Variants in AGBL4 observed in about 807,000 individuals in gnomAD.
AGBL4 encodes the protein cytosolic carboxypeptidase 6.
Under a neutral mutation model 66.4 loss-of-function variants are expected in AGBL4, and 58 were observed. That is an observed-to-expected ratio of 0.87 (90% CI 0.71 to 1.09). The LOEUF (loss-of-function observed/expected upper bound fraction) is 1.09. Ranked by LOEUF, AGBL4 falls within the 50% of genes least tolerant of loss-of-function variation. The probability of loss-of-function intolerance (pLI) is 0.00; values close to 1 mark genes in which losing one functional copy is unlikely to be tolerated. For missense variants in AGBL4, 579 were observed against 631.0 expected (o/e 0.92, Z 0.88); for synonymous variants, 234 against 222.9 (o/e 1.05, Z -0.44).
At chr1:48,891,558 C>A (rs1650975833) in intron 5 of AGBL4, among the ~76,000 whole-genome samples, 1 of 152,226 alleles carries the variant, frequency 6.6e-6, no homozygotes, top group African/African-American at 2.4e-5. Flanking sequence ...ATCTTAGGAA[C>A]CTCTTACCAA....
chr1:48,922,362 A>C (rs1654152266), intron 5 of AGBL4, among the ~76,000 whole-genome samples: 1 of 152,172 alleles, frequency 6.6e-6, no homozygotes, highest in African/African-American at 2.4e-5. Flanking sequence ...CAGAAGAAAA[A>C]AATTAGCTGG....
At chr1:49,632,395 A>T (rs1179625627) in intron 3 of AGBL4, among the ~76,000 whole-genome samples, 1 of 152,230 alleles carries the variant, frequency 6.6e-6, no homozygotes, top group African/African-American at 2.4e-5. Flanking sequence ...GTGAAAAGGA[A>T]TGAAAACTAG....
At chr1:48,607,592 T>C (rs1645172230) in intron 9 of AGBL4, among the ~76,000 whole-genome samples, 1 of 152,160 alleles carries the variant, frequency 6.6e-6, no homozygotes, top group Non-Finnish European at 1.5e-5. Flanking sequence ...CACTCCAGCC[T>C]GGGTGACAAG....
chr1:49,291,721 T>A (rs974938957), intron 3 of AGBL4, among the ~76,000 whole-genome samples: 1 of 152,200 alleles, frequency 6.6e-6, no homozygotes, highest in Non-Finnish European at 1.5e-5. Flanking sequence ...GTAACGCTAG[T>A]GATGGCAGTG....
chr1:48,554,605 A>ATT (rs565282641), intron 11 of AGBL4, among the ~76,000 whole-genome samples: 3 of 150,142 alleles, frequency 2.0e-5, no homozygotes, highest in Non-Finnish European at 4.4e-5. Flanking sequence ...ACATTTTATG[A>ATT]TTTTTTTTTT....
At position 49,258,962 on chromosome 1, in the gene AGBL4, C is replaced by A. The variant is rs12049542; in HGVS notation, c.283-13098G>T. Among the ~76,000 whole-genome samples, 1,201 of 152,266 alleles carry A rather than the reference C, an allele frequency of 7.9e-3. 9 individuals are homozygous for A. The highest frequency in any genetic ancestry group is 0.031 in the Middle Eastern group (9 of 294). ...ATCAGACTAAGAGCGGATCTCTCAG[C>A]AGAAACTCTACAAGCCAGAAGAGAG... is the stretch of plus-strand genomic sequence containing the variant. On this transcript the variant is annotated intron_variant, in intron 3 of 13. Coordinates refer to ENST00000371839, the MANE Select transcript of AGBL4 (RefSeq NM_032785.4).
At chr1:49,516,849 A>C (rs578080851) in intron 3 of AGBL4, among the ~76,000 whole-genome samples, 11 of 152,100 alleles carry the variant, frequency 7.2e-5, no homozygotes, top group Non-Finnish European at 1.2e-4. Context: ...TCACTCTGTT[A>C]GGCATACATG....
the AGBL4 span, among the ~76,000 whole-genome samples, chr1:48,523,880 C>T: frequency 6.6e-6 from 1 of 152,204 alleles, no homozygotes; most frequent in Non-Finnish European, 1.5e-5. Context: ...GCCTATGGCT[C>T]CTAGGCTACA....
intron 3 of AGBL4, among the ~76,000 whole-genome samples, chr1:49,605,928 T>C (rs563889908): frequency 6.6e-6 from 1 of 152,292 alleles, no homozygotes; most frequent in South Asian, 2.1e-4. Flanking sequence ...GAAAACATTC[T>C]AATTGTGAGG....
chr1:48,586,745 G>A (rs1644826864), intron 11 of AGBL4: 2 of 438,856 alleles, frequency 4.6e-6, no homozygotes, highest in South Asian at 2.7e-5. Context: ...AGAGATGGAA[G>A]CAGAGTAAGA....
chr1:49,076,371 T>C (rs1279526307), intron 4 of AGBL4, among the ~76,000 whole-genome samples: 1 of 152,246 alleles, frequency 6.6e-6, no homozygotes, highest in Non-Finnish European at 1.5e-5. Context: ...TTTTATACTA[T>C]ATTTAGAAAT....
At chr1:49,268,806 T>C (rs1643988512) in intron 3 of AGBL4, among the ~76,000 whole-genome samples, 1 of 152,188 alleles carries the variant, frequency 6.6e-6, no homozygotes, top group Non-Finnish European at 1.5e-5. Flanking sequence ...CATTTAATGG[T>C]AGTCTATTTT....
intron 1 of AGBL4, among the ~76,000 whole-genome samples, chr1:49,979,738 C>G (rs1165920644): frequency 6.6e-6 from 1 of 152,154 alleles, no homozygotes; most frequent in Non-Finnish European, 1.5e-5. Context: ...AAAAAATAGT[C>G]TTTCTTCGTT....
chr1:48,843,553 T>C (rs1048120476), intron 6 of AGBL4, among the ~76,000 whole-genome samples: 36 of 152,256 alleles, frequency 2.4e-4, no homozygotes, highest in Non-Finnish European at 4.3e-4. Flanking sequence ...AAGAATATCT[T>C]ATGACATATA....
At chr1:48,666,006 T>C (rs528751278) in intron 6 of AGBL4, among the ~76,000 whole-genome samples, 1 of 152,214 alleles carries the variant, frequency 6.6e-6, no homozygotes, top group Non-Finnish European at 1.5e-5. Context: ...TGCGTCTTCA[T>C]AAAATGATAA....
chr1:49,280,316 T>C (rs2148402838), intron 3 of AGBL4, among the ~76,000 whole-genome samples: 1 of 152,282 alleles, frequency 6.6e-6, no homozygotes, highest in East Asian at 1.9e-4. Flanking sequence ...ATCTCCTAAA[T>C]GTTGTGGCCA....
At chr1:49,881,028 TGC>T (rs1647244228) in intron 1 of AGBL4, among the ~76,000 whole-genome samples, 1 of 152,210 alleles carries the variant, frequency 6.6e-6, no homozygotes, top group Non-Finnish European at 1.5e-5. Context: ...TCGCGCACAG[TGC>T]GCGCACCCAC....
chr1:49,819,482 A>G (rs892869617), intron 2 of AGBL4, among the ~76,000 whole-genome samples: 56 of 152,208 alleles, frequency 3.7e-4, no homozygotes, highest in Non-Finnish European at 4.3e-4. Context: ...GAGATCACAC[A>G]TTCAGAGAAG....
intron 4 of AGBL4, among the ~76,000 whole-genome samples, chr1:49,081,995 A>C: frequency 6.6e-6 from 1 of 152,352 alleles, no homozygotes; most frequent in Non-Finnish European, 1.5e-5. Flanking sequence ...TTCAAAAGGT[A>C]GAAAACAAGA....
Sources: allele counts gnomAD v4.1 joint callset (sites outside exome capture counted in the v4.1 genomes callset), GRCh38; gene constraint gnomAD v4.1.1; transcripts MANE v1.5; gene names NCBI Gene and HGNC (gene_info 2026-07-23, HGNC 2026-07-21).